The following MYO15B variants were observed in gnomAD, a reference collection of about 807,000 sequenced individuals.
MYO15B encodes the protein myosin XVB pseudogene.
In MYO15B, 207 loss-of-function variants were observed where a neutral mutation model predicts 119.3. That is an observed-to-expected ratio of 1.73 (90% CI 1.55 to 1.95). The LOEUF is 1.95. Among genes scored for constraint, MYO15B ranks in the 30% most tolerant of loss-of-function variants. The pLI, the probability that MYO15B is intolerant of heterozygous loss-of-function variation, is 0.00. For missense variants in MYO15B, 2,264 were observed against 1,203.1 expected, an observed-to-expected ratio of 1.88 and a Z score of -13.04; for synonymous variants, 966 against 498.9, an observed-to-expected ratio of 1.94 and a Z score of -12.48.
chr17:75,613,654 G>T (rs1183147336), intron 28 of MYO15B, 51 bp from the exon 29 acceptor site: 1 of 695,610 alleles, frequency 1.4e-6, no homozygotes, highest in African/African-American at 1.7e-5. Context: ...TTCCTGTCAG[G>T]GTGGACTCTG....
chr17:75,608,319 A>G (rs1214101875), intron 21 of MYO15B, among the ~76,000 whole-genome samples: 4 of 151,758 alleles, frequency 2.6e-5, no homozygotes, highest in African/African-American at 9.7e-5. Flanking sequence ...GGGTTTTACT[A>G]TGTTGGCCAG....
At chr17:75,609,118 A>G (rs559278445) in intron 21 of MYO15B, among the ~76,000 whole-genome samples, 1 of 152,004 alleles carries the variant, frequency 6.6e-6, no homozygotes, top group East Asian at 1.9e-4. Context: ...CTCCCACTTG[A>G]GCCTCCCAAG....
At chr17:75,615,718 T>C (rs2058330249) in exon 36 of MYO15B, 2 of 695,104 alleles carry the variant, frequency 2.9e-6, no homozygotes, top group Non-Finnish European at 5.3e-6. Context: ...GCCCAGGCCA[T>C]GTCCCTGTCC....
chr17:75,601,337 T>G, intron 14 of MYO15B, 101 bp from the exon 15 acceptor site: 1 of 629,262 alleles, frequency 1.6e-6, no homozygotes, highest in Non-Finnish European at 2.9e-6. Flanking sequence ...AACCTACCCT[T>G]ATAGTCAGTG....
chr17:75,609,680 T>A (rs1053560915), intron 21 of MYO15B, among the ~76,000 whole-genome samples: 1 of 148,744 alleles, frequency 6.7e-6, no homozygotes, highest in African/African-American at 2.6e-5. Flanking sequence ...CTTTCCTTCC[T>A]TCCCTTCCTT....
At position 75,616,380 on chromosome 17, in the gene MYO15B, CAGGAGGAGG is replaced by C. The variant is rs368250560; in HGVS notation, c.6205_6213del (p.Glu2069_Glu2071del). The C allele has an allele frequency of 1.1e-3, 680 of 610,106 alleles. 1 individual carries two copies. Among genetic ancestry groups the C allele is most frequent in the African/African-American group, 8.5e-3 (455 of 53,450 alleles). 37.8% of individuals were successfully genotyped at this position (610,106 alleles called of 1,614,324 possible). On this transcript the variant is annotated inframe_deletion, in exon 38 of 64. Coordinates refer to ENST00000645453, the Ensembl canonical transcript of MYO15B. ...GGTCCACATCCCCCAGGGGGAAGCG[CAGGAGGAGG>C]AGGAGGAGGAGGAGGAGGAGGAGGA...
At chr17:75,602,217 AAAAT>A (rs2057328009) in intron 15 of MYO15B, 1 of 482,936 alleles carries the variant, frequency 2.1e-6, no homozygotes, top group African/African-American at 2.0e-5. Flanking sequence ...AATGTAAATC[AAAAT>A]AGATTTAATA....
chr17:75,602,399 C>T (rs2057341045), intron 15 of MYO15B, 118 bp from the exon 16 acceptor site: 1 of 701,112 alleles, frequency 1.4e-6, no homozygotes. Context: ...ACCAAGGCAG[C>T]CTTTCAGGTC....
chr17:75,611,670 T>A lies in MYO15B; in HGVS notation c.4504+12T>A. ...GAAGACGGCGGAAAGTGAGTCTTGTTGGTGTCCTCTTGTTAGGACTCCTTC... is the reference window on the plus strand; with the variant it reads ...GAAGACGGCGGAAAGTGAGTCTTGTAGGTGTCCTCTTGTTAGGACTCCTTC... On this transcript the variant is annotated intron_variant, in intron 24 of 63. Coordinates refer to ENST00000645453, the Ensembl canonical transcript of MYO15B. 2 of 702,820 alleles carry A rather than the reference T, an allele frequency of 2.8e-6. No individual in the cohort carries two copies. The highest frequency in any genetic ancestry group is 2.7e-5 in the East Asian group (1 of 37,268). The allele number at this position is 702,820 out of a possible 1,614,324, so 43.5% of individuals were successfully genotyped here. A position where few individuals can be genotyped will look rare whatever the true frequency, so the allele number is the denominator to read the frequency against.
intron 23 of MYO15B, among the ~76,000 whole-genome samples, 159 bp from the exon 24 acceptor site, chr17:75,611,442 C>G (rs1030660012): frequency 6.9e-6 from 1 of 145,108 alleles, no homozygotes; most frequent in East Asian, 2.0e-4. Context: ...GCACTCTAGC[C>G]TGGGTGACAG....
intron 43 of MYO15B, 121 bp downstream of exon 43, chr17:75,618,306 G>C: frequency 1.5e-6 from 1 of 656,282 alleles, no homozygotes. Context: ...AGCACTGGGG[G>C]GCACTTCTGT....
At chr17:75,606,730 C>T (rs1462531069) in intron 21 of MYO15B, among the ~76,000 whole-genome samples, 1 of 152,174 alleles carries the variant, frequency 6.6e-6, no homozygotes, top group Non-Finnish European at 1.5e-5. Flanking sequence ...GCCTCAGCCT[C>T]CCAAAATGCT....
intron 21 of MYO15B, 148 bp downstream of exon 21, chr17:75,606,169 G>A (rs2057634187): frequency 1.8e-6 from 1 of 570,924 alleles, no homozygotes; most frequent in African/African-American, 1.9e-5. Flanking sequence ...GACTCTCCTT[G>A]ACGGCATTAC....
chr17:75,594,925 G>A, exon 12 of MYO15B: 1 of 703,072 alleles, frequency 1.4e-6, no homozygotes, highest in Non-Finnish European at 2.6e-6. Flanking sequence ...ACCAGGGGAG[G>A]GAGGCAGCAT....
Position 75,589,257 on chromosome 17 carries a change from A to G in MYO15B, c.1200A>G (p.Pro400=), listed in dbSNP as rs1453000531. Residue 400 remains proline, a synonymous_variant, in exon 1 of 64, where the codon CCA becomes CCG. Coordinates refer to ENST00000645453, the Ensembl canonical transcript of MYO15B. This position sits in a 1 kb window ranked among gnomAD's most constrained non-coding sequence, Gnocchi z 4.2. ...AGGGCGAGGGGCAGGGTACCGGGCC[A>G]CGGGCGAGCGAGGGGTGGGGCCGCC... is the stretch of plus-strand genomic sequence containing the variant. 2 of 398,326 alleles carry G rather than the reference A, an allele frequency of 5.0e-6. No individual in the cohort carries two copies. The allele number at this position is 398,326 out of a possible 1,614,324, so 24.7% of individuals were successfully genotyped here. A position where few individuals can be genotyped will look rare whatever the true frequency, so the allele number is the denominator to read the frequency against.
At position 75,589,362 on chromosome 17, in the gene MYO15B, C is replaced by G; in HGVS notation, c.1305C>G (p.His435Gln). Residue 435 changes from histidine to glutamine, a missense_variant, in exon 1 of 64, where the codon CAC becomes CAG. By Grantham distance (24) the His-to-Gln change is conservative. Transcript: ENST00000645453. This position sits in a 1 kb window ranked among gnomAD's most constrained non-coding sequence, Gnocchi z 4.2. The stretch of plus-strand genomic sequence containing the variant: ...GGAAAGCGGATGAAGGGCGGGGCCA[C>G]GAGCGAGGGGACGAGGGTCGGGGCC... The G allele has an allele frequency of 2.7e-6, 1 of 376,668 alleles. No individual in the cohort carries two copies. The highest frequency in any genetic ancestry group is 1.4e-4 in the South Asian group (1 of 7,374). 23.3% of individuals were successfully genotyped at this position (376,668 alleles called of 1,614,324 possible). A position where few individuals can be genotyped will look rare whatever the true frequency, so the allele number is the denominator to read the frequency against.
rs953513614 is a variant in MYO15B, at chr17:75,593,028, G to A, written c.2991+188G>A. 26 of 547,862 alleles carry A rather than the reference G, an allele frequency of 4.7e-5. No homozygotes were observed. In the East Asian group the frequency reaches 7.5e-4, roughly 16 times the overall value. 33.9% of individuals were successfully genotyped at this position (547,862 alleles called of 1,614,324 possible). A position where few individuals can be genotyped will look rare whatever the true frequency, so the allele number is the denominator to read the frequency against. Reference sequence around the variant, plus strand: ...GCTTCTCCACTCTCCCAATGTCTGTGCCTCTAAGCTGCCACCCCTAAGAAC... The same window carrying A: ...GCTTCTCCACTCTCCCAATGTCTGTACCTCTAAGCTGCCACCCCTAAGAAC... On this transcript the variant is annotated intron_variant, in intron 9 of 63. Transcript: ENST00000645453.
chr17:75,603,373 C>A (rs2057410083), intron 19 of MYO15B, 61 bp downstream of exon 19: 1 of 690,136 alleles, frequency 1.4e-6, no homozygotes, highest in African/African-American at 1.8e-5. Context: ...ACTGGCAGCC[C>A]CGGGGGTCCT....
chr17:75,593,007 C>T (rs1224032405), intron 9 of MYO15B, 167 bp downstream of exon 9: 1 of 568,898 alleles, frequency 1.8e-6, no homozygotes, highest in African/African-American at 1.9e-5. Flanking sequence ...CATAGAGCTT[C>T]TCCACTCTCC....
Sources: gnomAD v4.1 joint callset for allele counts (sites outside exome capture counted in the v4.1 genomes callset) on GRCh38, gnomAD v4.1.1 for gene constraint, Gnocchi (gnomAD v3.1) non-coding constraint, MANE v1.5 for transcripts, NCBI Gene and HGNC (gene_info 2026-07-23, HGNC 2026-07-21) for gene names.